Variants in GC observed in about 807,000 individuals in gnomAD.
GC encodes the protein GC vitamin D binding protein, also known as vitamin D-binding protein.
A neutral mutation model predicts 56.7 loss-of-function variants in GC; 43 were observed. The ratio of observed to expected loss-of-function variants is 0.76; its 90% CI spans 0.59 to 0.98. The LOEUF (loss-of-function observed/expected upper bound fraction) is 0.98. Ranked by LOEUF, GC falls within the 50% of genes least tolerant of loss-of-function variation. GC has a pLI of 0.00. For missense variants in GC, 529 were observed against 545.9 expected (o/e 0.97, Z 0.31); for synonymous variants, 216 against 202.7 (o/e 1.07, Z -0.56).
intron 1 of GC, among the ~76,000 whole-genome samples, chr4:71,792,426 G>A (rs1284117172): frequency 6.6e-6 from 1 of 152,132 alleles, no homozygotes; most frequent in Non-Finnish European, 1.5e-5. Flanking sequence ...GTGATGATGA[G>A]CATTTTTTCA....
At chr4:71,771,887 T>C (rs1396956900) in intron 1 of GC, among the ~76,000 whole-genome samples, 1 of 152,156 alleles carries the variant, frequency 6.6e-6, no homozygotes, top group African/African-American at 2.4e-5. Flanking sequence ...GGTGATGAGC[T>C]GTACTTACGA....
intron 1 of GC, among the ~76,000 whole-genome samples, chr4:71,799,393 C>T (rs1241069697): frequency 6.6e-6 from 1 of 152,164 alleles, no homozygotes; most frequent in Non-Finnish European, 1.5e-5. Flanking sequence ...CTGCCCTCAC[C>T]TACTTTTGGT....
rs182292404 is a variant in GC at position 71,760,840 on chromosome 4, T to C, written c.701+2568A>G. Among the ~76,000 whole-genome samples, 741 of 152,260 alleles carry C rather than the reference T, an allele frequency of 4.9e-3. 1 individual carries two copies. The highest frequency in any genetic ancestry group is 0.014 in the Middle Eastern group (4 of 294). On this transcript the variant is annotated intron_variant, in intron 6 of 12. Coordinates refer to ENST00000273951, the MANE Select transcript of GC (RefSeq NM_000583.4). The stretch of plus-strand genomic sequence containing the variant: ...CTGCGACCATCCATGTAAGATATGA[T>C]TTGCTCCTCCTTGCCTTCCACCATG...
At chr4:71,777,549 T>C (rs887809817) in intron 1 of GC, among the ~76,000 whole-genome samples, 3 of 150,324 alleles carry the variant, frequency 2.0e-5, no homozygotes, top group African/African-American at 7.3e-5. Context: ...CTCACTTCAA[T>C]GTTAGCCTAG....
chr4:71,744,300 A>AC (rs1046732435), intron 12 of GC, among the ~76,000 whole-genome samples: 4 of 150,792 alleles, frequency 2.7e-5, no homozygotes, highest in African/African-American at 9.7e-5. Flanking sequence ...AAAAAAAAAA[A>AC]AAACCCAAAT....
At chr4:71,794,161 C>A (rs1371009403) in intron 1 of GC, among the ~76,000 whole-genome samples, 1 of 152,154 alleles carries the variant, frequency 6.6e-6, no homozygotes, top group Non-Finnish European at 1.5e-5. Context: ...CAGGATGATG[C>A]TGGCCTCATA....
In GC at chr4:71,800,506, T is replaced by C. The variant is rs1034281803; in HGVS notation, c.21+3420A>G. On this transcript the variant is annotated intron_variant, in intron 1 of 13. Transcript: ENST00000504199. ...CTGATGGGTATTTGGGTTGGTTCCA[T>C]GTCTTTTCTATTGTGAATAGTGCTG... 4.6e-5 allele frequency among the ~76,000 whole-genome samples: 7 copies of C among 152,310 alleles called. No homozygotes were observed. The East Asian group carries it at 1.3e-3, about 29-fold the overall frequency.
chr4:71,794,412 C>A (rs894922131), intron 1 of GC, among the ~76,000 whole-genome samples: 14 of 152,116 alleles, frequency 9.2e-5, no homozygotes, highest in African/African-American at 3.4e-4. Context: ...GAAATTTATC[C>A]ATTTCTTCTA....
chr4:71,754,933 A>C, intron 9 of GC, 45 bp downstream of exon 9: 1 of 1,432,096 alleles, frequency 7.0e-7, no homozygotes, highest in Non-Finnish European at 9.4e-7. Context: ...ATAATTTTCC[A>C]ACCCTTGATC....
chr4:71,776,122 A>T (rs1271127682), intron 1 of GC, among the ~76,000 whole-genome samples: 1 of 151,982 alleles, frequency 6.6e-6, no homozygotes, highest in African/African-American at 2.4e-5. Context: ...AAATAGAACT[A>T]CCATATGATT....
intron 10 of GC, 36 bp downstream of exon 10, chr4:71,754,375 T>TA (rs776949901): frequency 1.3e-5 from 12 of 941,948 alleles, no homozygotes; most frequent in Non-Finnish European, 1.9e-5. Context: ...ATATTATTGA[T>TA]AAATTTGGAG....
In GC at chr4:71,752,590, C is replaced by T. The variant is rs146681395; in HGVS notation, c.1323G>A (p.Leu441=). The change falls in exon 11 of 13, where the codon CTG becomes CTA. Residue 441 remains leucine, a synonymous_variant. Transcript: ENST00000273951. Reference sequence around the variant, plus strand: ...AGGCAAAGTCTGAGTGCTTGTTAACCAGCTTTGCCAGTTCCGTGGGTGTGG... The same window carrying T: ...AGGCAAAGTCTGAGTGCTTGTTAACTAGCTTTGCCAGTTCCGTGGGTGTGG... ...PDATPTELAK[L]VNKHSDFASN... 1 of 1,613,280 alleles carries T rather than the reference C, an allele frequency of 6.2e-7. No homozygotes were observed. Among genetic ancestry groups the T allele is most frequent in the Non-Finnish European group, 8.5e-7 (1 of 1,179,294 alleles).
intron 1 of GC, among the ~76,000 whole-genome samples, chr4:71,797,002 C>T (rs1185984900): frequency 6.6e-6 from 1 of 152,198 alleles, no homozygotes; most frequent in Admixed American, 6.5e-5. Context: ...GTGGAGGCTG[C>T]AGAACAGCAA....
rs180820099 is a variant in GC, at chr4:71,769,398, G to T, written c.61C>A (p.Arg21=). 6.2e-7 allele frequency: 1 copy of T among 1,609,508 alleles called. No homozygotes were observed. Among genetic ancestry groups the T allele is most frequent in the Non-Finnish European group, 8.5e-7 (1 of 1,176,288 alleles). The change falls in exon 2 of 13, where the codon CGG becomes AGG. Residue 21 remains arginine, a splice_region_variant and synonymous_variant. Coordinates refer to ENST00000273951, the MANE Select transcript of GC (RefSeq NM_000583.4). ...VAFGHALERG[R]DYEKNKVCKE... ...CAGACTTTATTCTTTTCATAATCCC[G>T]GCCTAGGAGGCAGAAATAGAAAAAT...
intron 1 of GC, among the ~76,000 whole-genome samples, chr4:71,802,056 A>G (rs372503946): frequency 2.6e-5 from 4 of 152,290 alleles, no homozygotes; most frequent in South Asian, 2.1e-4. Context: ...TGACTTTACT[A>G]TAGCCTTTAA....
intron 1 of GC, among the ~76,000 whole-genome samples, chr4:71,781,046 T>C (rs141153446): frequency 0.053 from 8,102 of 152,182 alleles, 480 homozygotes; most frequent in African/African-American, 0.14. Context: ...CATGGAATAC[T>C]ATGCAGCCAT....
At chr4:71,780,812 C>T (rs1034664896) in intron 1 of GC, among the ~76,000 whole-genome samples, 99 of 152,016 alleles carry the variant, frequency 6.5e-4, no homozygotes, top group African/African-American at 1.9e-3. Flanking sequence ...TCAACCATTG[C>T]GGAAGACAGT....
intron 1 of GC, among the ~76,000 whole-genome samples, chr4:71,775,757 G>A (rs1337607454): frequency 6.6e-6 from 1 of 151,928 alleles, no homozygotes; most frequent in African/African-American, 2.4e-5. Context: ...CCACATATCT[G>A]ATAACAGGTT....
intron 1 of GC, among the ~76,000 whole-genome samples, chr4:71,789,233 T>C (rs879923512): frequency 9.2e-5 from 14 of 151,944 alleles, no homozygotes; most frequent in Non-Finnish European, 1.8e-4. Context: ...AACATTCATA[T>C]GTGAACCACC....
Sources: allele counts gnomAD v4.1 joint callset (sites outside exome capture counted in the v4.1 genomes callset), GRCh38; gene constraint gnomAD v4.1.1; transcripts MANE v1.5; gene names NCBI Gene and HGNC (gene_info 2026-07-23, HGNC 2026-07-21).